The following ACVR1B variants were observed in gnomAD, a reference collection of about 807,000 sequenced individuals.
The protein encoded by ACVR1B is activin A receptor type 1B.
ACVR1B carries 15 observed loss-of-function variants against 55.6 expected under a neutral mutation model. The ratio of observed to expected loss-of-function variants is 0.27; its 90% confidence interval spans 0.18 to 0.42. ACVR1B has a LOEUF of 0.42. Ranked by LOEUF, ACVR1B falls within the 10% of genes least tolerant of loss-of-function variation. The pLI is 1.00. For missense variants in ACVR1B, 359 were observed against 670.1 expected (o/e 0.54, Z 5.13); for synonymous variants, 247 against 254.6 (o/e 0.97, Z 0.28).
At chr12:51,963,039 T>C (rs1409216313) in intron 1 of ACVR1B, among the ~76,000 whole-genome samples, 1 of 150,860 alleles carries the variant, frequency 6.6e-6, no homozygotes, top group Admixed American at 6.6e-5. Flanking sequence ...AACACTGTAG[T>C]TTTTTTTTGT....
At position 51,994,441 on chromosome 12, in the gene ACVR1B, T is replaced by G. The variant is rs1175189885; in HGVS notation, c.*331T>G. 1.6e-5 allele frequency: 5 copies of G among 309,064 alleles called. No homozygotes were observed. Among genetic ancestry groups the G allele is most frequent in the Non-Finnish European group, 3.1e-5 (5 of 162,468 alleles). The allele number at this position is 309,064 out of a possible 1,614,324, so 19.1% of individuals were successfully genotyped here. A position where few individuals can be genotyped will look rare whatever the true frequency, so the allele number is the denominator to read the frequency against. On this transcript the variant is annotated 3_prime_UTR_variant, in exon 9 of 9. Transcript: ENST00000257963. The surrounding 1 kb of genome is among the most constrained non-coding windows in gnomAD (Gnocchi z 4.2). Reference sequence around the variant, plus strand: ...GGCCAGGAGCCATGACAGGGGCGCTTGGGAGGGGCCGGAGGAACCGAGGTG... The same window carrying G: ...GGCCAGGAGCCATGACAGGGGCGCTGGGGAGGGGCCGGAGGAACCGAGGTG...
intron 1 of ACVR1B, among the ~76,000 whole-genome samples, chr12:51,961,724 C>T (rs1025253076): frequency 6.6e-6 from 1 of 152,230 alleles, no homozygotes; most frequent in Non-Finnish European, 1.5e-5. Flanking sequence ...AAATATCCTT[C>T]CCTGCTCTAT....
intron 3 of ACVR1B, 34 bp from the exon 4 acceptor site, chr12:51,980,934 CA>C: frequency 6.5e-7 from 1 of 1,544,974 alleles, no homozygotes; most frequent in Non-Finnish European, 8.7e-7. Flanking sequence ...GTCAAATTTG[CA>C]ATGTCAGGTT....
chr12:51,962,201 AC>A (rs1427668156), intron 1 of ACVR1B, among the ~76,000 whole-genome samples: 7 of 152,190 alleles, frequency 4.6e-5, no homozygotes, highest in Non-Finnish European at 7.3e-5. Flanking sequence ...TCTTATGCAA[AC>A]CCCATTCCAA....
In ACVR1B at chr12:51,954,233, T is replaced by G. The variant is rs201971429; in HGVS notation, c.91+2399T>G. On this transcript the variant is annotated intron_variant, in intron 1 of 8. Transcript: ENST00000257963. The stretch of plus-strand genomic sequence containing the variant: ...AGGGATAGGTGTTTCTATTAATTAA[T>G]GAATTAACTAGGACTTAGTAAAAGG... Among the ~76,000 whole-genome samples, 120 of 152,316 alleles carry G rather than the reference T, an allele frequency of 7.9e-4. 3 individuals carry two copies. In the East Asian group the frequency reaches 0.011, roughly 14 times the overall value.
chr12:51,986,172 A>G lies in ACVR1B; in HGVS notation c.1137-646A>G, dbSNP rs529845136. On this transcript the variant is annotated intron_variant, in intron 6 of 8. Coordinates refer to ENST00000257963, the MANE Select transcript of ACVR1B (RefSeq NM_004302.5). ...TGAAGGACCCTGGTGTCAACCAAAT[A>G]TTAGGTACTGTTACTGCCCCTGTGA... Among the ~76,000 whole-genome samples, 5 of 152,360 alleles carry G rather than the reference A, an allele frequency of 3.3e-5. No individual in the cohort carries two copies. The South Asian group carries it at 1.0e-3, about 32-fold the overall frequency.
At chr12:51,986,740 G>A in intron 6 of ACVR1B, 78 bp from the exon 7 acceptor site, 1 of 1,525,588 alleles carries the variant, frequency 6.6e-7, no homozygotes, top group Non-Finnish European at 8.8e-7. Flanking sequence ...CATTCAGAGG[G>A]CTCCTGAATC....
intron 5 of ACVR1B, 39 bp downstream of exon 5, chr12:51,984,205 C>T (rs766391325): frequency 2.5e-6 from 4 of 1,610,646 alleles, no homozygotes; most frequent in Admixed American, 3.3e-5. Context: ...GTGGTGTAGG[C>T]ATGAAAGGTC....
At chr12:51,974,592 T>C (rs149243768) in intron 1 of ACVR1B, among the ~76,000 whole-genome samples, 2 of 152,278 alleles carry the variant, frequency 1.3e-5, no homozygotes, top group East Asian at 1.9e-4. Flanking sequence ...GTTAAATGTA[T>C]TGTGCACTTT....
intron 1 of ACVR1B, among the ~76,000 whole-genome samples, chr12:51,972,007 A>T (rs1158941454): frequency 6.6e-6 from 1 of 152,208 alleles, no homozygotes; most frequent in Non-Finnish European, 1.5e-5. Context: ...TTAGTGGTTA[A>T]GGAGACACAT....
chr12:51,965,659 T>C (rs575267218), intron 1 of ACVR1B, among the ~76,000 whole-genome samples: 16 of 152,232 alleles, frequency 1.1e-4, no homozygotes, highest in African/African-American at 3.6e-4. Flanking sequence ...TTTCCTTATA[T>C]GGATGGTATA....
intron 1 of ACVR1B, among the ~76,000 whole-genome samples, chr12:51,974,541 G>A (rs964244471): frequency 6.6e-6 from 1 of 152,170 alleles, no homozygotes; most frequent in African/African-American, 2.4e-5. Flanking sequence ...ACACTCATGC[G>A]TGAATGCATG....
chr12:51,990,544 G>A (rs1942170986), intron 7 of ACVR1B, among the ~76,000 whole-genome samples: 1 of 151,944 alleles, frequency 6.6e-6, no homozygotes, highest in South Asian at 2.1e-4. Context: ...TTGAACTCCT[G>A]TGTTCAAGCA....
chr12:51,954,137 C>T (rs918083878), intron 1 of ACVR1B, among the ~76,000 whole-genome samples: 4 of 152,088 alleles, frequency 2.6e-5, no homozygotes, highest in Admixed American at 2.0e-4. Flanking sequence ...TGCTCCCCTA[C>T]GTGGGCTGGA....
At chr12:51,955,997 T>A (rs1309631211) in intron 1 of ACVR1B, among the ~76,000 whole-genome samples, 2 of 152,248 alleles carry the variant, frequency 1.3e-5, no homozygotes, top group African/African-American at 4.8e-5. Context: ...GAGGCACCAT[T>A]TCTGTCCATG....
rs1032936554 is a variant in ACVR1B at position 51,996,952 on chromosome 12, C to T, written c.*2842C>T. ...TTATTAGAAAGGACTGTAAAATAGC[C>T]ACTTAGACACTTTACCTCTTCAGTA... is the stretch of plus-strand genomic sequence containing the variant. On this transcript the variant is annotated 3_prime_UTR_variant, in exon 9 of 9. Transcript: ENST00000257963. The T allele has an allele frequency of 9.2e-5, 14 of 152,588 alleles. No homozygotes were observed. The highest frequency in any genetic ancestry group is 9.2e-4 in the Admixed American group (14 of 15,266). The allele number at this position is 152,588 out of a possible 1,614,324, so 9.5% of individuals were successfully genotyped here.
intron 1 of ACVR1B, among the ~76,000 whole-genome samples, chr12:51,957,456 AAAAAG>A (rs1941436698): frequency 6.6e-6 from 1 of 151,786 alleles, no homozygotes; most frequent in Admixed American, 6.6e-5. Flanking sequence ...AAAAAAAAAA[AAAAAG>A]CCAAAAACAT....
chr12:51,957,279 C>G (rs1441847472), intron 1 of ACVR1B, among the ~76,000 whole-genome samples: 2 of 151,542 alleles, frequency 1.3e-5, no homozygotes, highest in African/African-American at 2.4e-5. Flanking sequence ...AACCCCGTCT[C>G]TATTAAAAAT....
At chr12:51,956,655 T>TA (rs1205155993) in intron 1 of ACVR1B, among the ~76,000 whole-genome samples, 2 of 152,238 alleles carry the variant, frequency 1.3e-5, no homozygotes, top group African/African-American at 4.8e-5. Context: ...AGAACTGAAT[T>TA]ACCAAATCTT....
Sources: allele counts gnomAD v4.1 joint callset (sites outside exome capture counted in the v4.1 genomes callset), GRCh38; gene constraint gnomAD v4.1.1; non-coding constraint Gnocchi (gnomAD v3.1); transcripts MANE v1.5; gene names NCBI Gene and HGNC (gene_info 2026-07-23, HGNC 2026-07-21).